IL1RAPL1: variants seen among roughly 807,000 people sequenced by gnomAD.
IL1RAPL1 encodes the protein interleukin-1 receptor accessory protein-like 1.
Under a neutral mutation model 48.4 loss-of-function variants are expected in IL1RAPL1, and 3 were observed. The ratio of observed to expected loss-of-function variants is 0.06; its 90% CI spans 0.03 to 0.16. The LOEUF is 0.16. Ranked by LOEUF, IL1RAPL1 falls within the 10% of genes least tolerant of loss-of-function variation. The pLI is 1.00. For missense variants in IL1RAPL1, 349 were observed against 530.6 expected, an observed-to-expected ratio of 0.66 and a Z score of 3.36; for synonymous variants, 185 against 187.7, an observed-to-expected ratio of 0.99 and a Z score of 0.12.
intron 2 of IL1RAPL1, among the ~76,000 whole-genome samples, chrX:28,930,518 G>A (rs978981117): frequency 8.9e-5 from 10 of 112,371 alleles, no homozygotes; most frequent in Non-Finnish European, 1.7e-4. Context: ...CTTGGGCATC[G>A]TGTATAGAGT....
intron 2 of IL1RAPL1, among the ~76,000 whole-genome samples, chrX:29,022,926 A>G (rs533967802): frequency 1.2e-4 from 14 of 112,313 alleles, no homozygotes; most frequent in African/African-American, 3.5e-4. Context: ...ACAAGATCCA[A>G]TCTCCAGTAA....
intron 6 of IL1RAPL1, among the ~76,000 whole-genome samples, chrX:29,792,749 T>C (rs756994548): frequency 9.0e-6 from 1 of 110,750 alleles, no homozygotes; most frequent in East Asian, 2.9e-4. Flanking sequence ...AATTTAAACA[T>C]CCCATTTAAT....
intron 2 of IL1RAPL1, among the ~76,000 whole-genome samples, chrX:29,101,959 A>T (rs1418395889): frequency 8.9e-6 from 1 of 111,842 alleles, no homozygotes; most frequent in Non-Finnish European, 1.9e-5. Context: ...ATTAAAAAAT[A>T]TCATTTATCA....
Position 29,924,616 on chromosome X carries a change from T to TGAAACTGTCACA in IL1RAPL1, c.1057+4523_1057+4534dup, listed in dbSNP as rs200550843. ...GTGCTTCCTAGTGAATGTTTCACTT[T>TGAAACTGTCACA]GAAACTGTCACATTGGGGATGTTCA... On this transcript the variant is annotated intron_variant, in intron 8 of 10. Coordinates refer to ENST00000378993, the MANE Select transcript of IL1RAPL1 (RefSeq NM_014271.4). Among the ~76,000 whole-genome samples the TGAAACTGTCACA allele has an allele frequency of 1.2e-3, 129 of 112,053 alleles. 1 individual carries two copies. In the East Asian group the frequency reaches 0.033, roughly 29 times the overall value.
At chrX:29,832,754 C>T (rs2147188829) in intron 6 of IL1RAPL1, among the ~76,000 whole-genome samples, 1 of 102,646 alleles carries the variant, frequency 9.7e-6, no homozygotes, top group East Asian at 3.1e-4. Flanking sequence ...ACTGAACACA[C>T]TGACACACAC....
chrX:28,648,746 G>A (rs1283883947), intron 1 of IL1RAPL1, among the ~76,000 whole-genome samples: 1 of 112,101 alleles, frequency 8.9e-6, no homozygotes, highest in East Asian at 2.8e-4. Flanking sequence ...ATTGTACTTT[G>A]TAAGTTCTCT....
intron 5 of IL1RAPL1, among the ~76,000 whole-genome samples, chrX:29,523,662 G>A (rs1411911772): frequency 9.0e-6 from 1 of 111,050 alleles, no homozygotes; most frequent in Non-Finnish European, 1.9e-5. Context: ...ATATCAAATT[G>A]CAGCATAGTA....
intron 3 of IL1RAPL1, among the ~76,000 whole-genome samples, chrX:29,328,722 T>C (rs931325057): frequency 6.4e-5 from 7 of 108,884 alleles, no homozygotes; most frequent in Non-Finnish European, 9.6e-5. Flanking sequence ...AGAAAGTTGG[T>C]TTGAGATTTC....
intron 6 of IL1RAPL1, among the ~76,000 whole-genome samples, chrX:29,793,080 A>G (rs1381350007): frequency 8.9e-6 from 1 of 112,124 alleles, no homozygotes; most frequent in African/African-American, 3.2e-5. Context: ...CCAAACAGCA[A>G]CAGACCTCGA....
At chrX:29,243,754 G>A (rs962813917) in intron 2 of IL1RAPL1, among the ~76,000 whole-genome samples, 7 of 111,240 alleles carry the variant, frequency 6.3e-5, no homozygotes, top group African/African-American at 2.3e-4. Context: ...CTCTACCTAG[G>A]ATCTGGAGCC....
At chrX:29,249,857 T>A (rs1220640084) in intron 2 of IL1RAPL1, among the ~76,000 whole-genome samples, 1 of 111,238 alleles carries the variant, frequency 9.0e-6, no homozygotes, top group Non-Finnish European at 1.9e-5. Flanking sequence ...TATGTAGAAT[T>A]TAAGGTACCA....
chrX:28,822,967 T>C (rs1936952932), intron 2 of IL1RAPL1, among the ~76,000 whole-genome samples: 1 of 111,746 alleles, frequency 8.9e-6, no homozygotes, highest in Non-Finnish European at 1.9e-5. Flanking sequence ...CATCCGAGAC[T>C]GTTCTTTTAA....
intron 1 of IL1RAPL1, among the ~76,000 whole-genome samples, chrX:28,591,610 G>A (rs746422556): frequency 2.5e-4 from 28 of 111,628 alleles, no homozygotes; most frequent in Non-Finnish European, 4.3e-4. Flanking sequence ...TAATTGTACC[G>A]GTTGGGCAGC....
intron 6 of IL1RAPL1, among the ~76,000 whole-genome samples, chrX:29,719,157 T>C (rs1398731891): frequency 9.0e-6 from 1 of 111,421 alleles, no homozygotes; most frequent in Non-Finnish European, 1.9e-5. Context: ...TTTACCTCCA[T>C]TAGGATGATA....
intron 6 of IL1RAPL1, among the ~76,000 whole-genome samples, chrX:29,688,989 G>C (rs1381911293): frequency 9.0e-6 from 1 of 111,076 alleles, no homozygotes; most frequent in African/African-American, 3.3e-5. Flanking sequence ...GATAATCCTG[G>C]TAGTTCCGAG....
chrX:29,806,809 G>A (rs370503435), intron 6 of IL1RAPL1, among the ~76,000 whole-genome samples: 1 of 111,341 alleles, frequency 9.0e-6, no homozygotes, highest in South Asian at 3.8e-4. Context: ...ATGAGGAGTC[G>A]TAATCTCCAG....
At chrX:28,733,094 T>G (rs1014880643) in intron 1 of IL1RAPL1, among the ~76,000 whole-genome samples, 3 of 106,547 alleles carry the variant, frequency 2.8e-5, no homozygotes, top group African/African-American at 7.0e-5. Context: ...ATTATACAGG[T>G]GTGTGTGTGT....
At chrX:29,827,754 A>G (rs186096191) in intron 6 of IL1RAPL1, among the ~76,000 whole-genome samples, 1 of 112,809 alleles carries the variant, frequency 8.9e-6, no homozygotes, top group African/African-American at 3.2e-5. Context: ...CAGATTCCTA[A>G]TCTATTCAAT....
intron 2 of IL1RAPL1, among the ~76,000 whole-genome samples, chrX:29,251,340 A>G (rs1317806415): frequency 1.8e-5 from 2 of 111,797 alleles, no homozygotes; most frequent in African/African-American, 6.5e-5. Context: ...AAAGCAAAAC[A>G]AACCGACAAA....
Sources: allele counts gnomAD v4.1 joint callset (sites outside exome capture counted in the v4.1 genomes callset), GRCh38; gene constraint gnomAD v4.1.1; transcripts MANE v1.5; gene names NCBI Gene and HGNC (gene_info 2026-07-23, HGNC 2026-07-21).